GINS2: variants seen among roughly 807,000 people sequenced by gnomAD.
The protein encoded by GINS2 is GINS complex subunit 2, also known as DNA replication complex GINS protein PSF2.
In GINS2, 23 loss-of-function variants were observed where a neutral mutation model predicts 21.2. The ratio of observed to expected loss-of-function variants is 1.08; its 90% confidence interval spans 0.78 to 1.53. GINS2 has a LOEUF of 1.53. Ranked by LOEUF, GINS2 falls within the 40% of genes most tolerant of loss-of-function variation. The pLI is 0.00. For missense variants in GINS2, 323 were observed against 233.9 expected, an observed-to-expected ratio of 1.38 and a Z score of -2.49; for synonymous variants, 118 against 85.6, an observed-to-expected ratio of 1.38 and a Z score of -2.09.
In GINS2 at chr16:85,687,460, C is replaced by T. The variant is rs1440651935; in HGVS notation, c.205G>A (p.Glu69Lys). The change falls in exon 2 of 5, where the codon GAA becomes AAA. Residue 69 changes from glutamate to lysine, a missense_variant and splice_region_variant. Transcript: ENST00000253462. ...CAACCAGTCTCCACCACATCCTTAC[C>T]TACATCCATCCACTCTGGAGGGAGC... is the stretch of plus-strand genomic sequence containing the variant. ...RLLPPEWMDV[E>K]KLEKMRDHER... 6.5e-7 allele frequency: 1 copy of T among 1,527,168 alleles called. No individual in the cohort carries two copies. The highest frequency in any genetic ancestry group is 1.4e-5 in the African/African-American group (1 of 71,406). The allele number at this position is 1,527,168 out of a possible 1,614,324, so 94.6% of individuals were successfully genotyped here.
In GINS2 at chr16:85,681,661, C is replaced by G. The variant is rs1415136634; in HGVS notation, c.226G>C (p.Asp76His). The G allele has an allele frequency of 1.9e-6, 3 of 1,606,530 alleles. No individual in the cohort carries two copies. In the Admixed American group the frequency reaches 5.0e-5, roughly 27 times the overall value. The change falls in exon 3 of 5, where the codon GAT (aspartate) becomes CAT (histidine). Residue 76 changes from aspartate (D) to histidine (H), a missense_variant. Transcript: ENST00000253462. ...AAAGTTTCTTCCTTTCGTTCATGAT[C>G]CCTCATCTTCTCCAACTTTTCTGAA... Reference protein sequence around the residue: ...MDVEKLEKMRDHERKEETFTP... With the variant: ...MDVEKLEKMRHHERKEETFTP...
rs1477853396 is a variant in GINS2, at chr16:85,687,492, C to T, written c.173G>A (p.Cys58Tyr). 1 of 1,592,822 alleles carries T rather than the reference C, an allele frequency of 6.3e-7. No homozygotes were observed. Among genetic ancestry groups the T allele is most frequent in the Non-Finnish European group, 8.5e-7 (1 of 1,171,522 alleles). The change falls in exon 2 of 5, where the codon TGT (cysteine) becomes TAT (tyrosine). Residue 58 changes from cysteine to tyrosine, a missense_variant. Transcript: ENST00000253462. ...CATCCACTCTGGAGGGAGCAGGCGA[C>T]ATTTCTGTCTTTGTTTCAGGTTAAT... is the stretch of plus-strand genomic sequence containing the variant. The part of the protein sequence containing the change: ...LAINLKQRQK[C>Y]RLLPPEWMDV...
At chr16:85,687,786 T>C (rs1434959562) in intron 1 of GINS2, 2 of 440,632 alleles carry the variant, frequency 4.5e-6, no homozygotes, top group Non-Finnish European at 8.1e-6. Context: ...TTCTGGCCTT[T>C]CCGCGGACAG....
chr16:85,681,374 C>T (rs114639099), intron 3 of GINS2, among the ~76,000 whole-genome samples: 2,965 of 152,290 alleles, frequency 0.019, 100 homozygotes, highest in African/African-American at 0.066. Context: ...AAAGAACAGA[C>T]AGAAAGACAC....
At chr16:85,688,748 C>A (rs1277552850) in intron 1 of GINS2, 61 bp downstream of exon 1, 9 of 1,060,460 alleles carry the variant, frequency 8.5e-6, no homozygotes, top group South Asian at 1.6e-5. Context: ...CTGAAGGCCA[C>A]GCGGGAGCCC....
At chr16:85,682,882 G>T (rs917805406) in intron 2 of GINS2, among the ~76,000 whole-genome samples, 1 of 152,078 alleles carries the variant, frequency 6.6e-6, no homozygotes, top group Non-Finnish European at 1.5e-5. Context: ...CCTTGGTGCC[G>T]TCCTGCAATC....
At chr16:85,687,350 G>A in intron 2 of GINS2, 110 bp downstream of exon 2, 3 of 592,268 alleles carry the variant, frequency 5.1e-6, no homozygotes, top group Non-Finnish European at 9.1e-6. Context: ...GGAACAGAGG[G>A]AGCACGGACC....
intron 2 of GINS2, among the ~76,000 whole-genome samples, chr16:85,685,961 A>G (rs905609817): frequency 3.9e-5 from 6 of 152,060 alleles, no homozygotes; most frequent in Non-Finnish European, 5.9e-5. Context: ...TTCAAATTCT[A>G]TATGTATGAC....
At chr16:85,685,990 A>AAC (rs1266554855) in intron 2 of GINS2, among the ~76,000 whole-genome samples, 2 of 148,366 alleles carry the variant, frequency 1.3e-5, no homozygotes, top group African/African-American at 2.5e-5. Flanking sequence ...TCTCCTCACC[A>AAC]ACACACACAA....
In GINS2 at chr16:85,683,503, A is replaced by G. The variant is rs193075585; in HGVS notation, c.206-1822T>C. 9.0e-4 allele frequency among the ~76,000 whole-genome samples: 137 copies of G among 152,314 alleles called. 1 individual carries two copies. Among genetic ancestry groups the G allele is most frequent in the African/African-American group, 2.9e-3 (120 of 41,572 alleles). ...CAACTCCTGATACCCACTGCAGCCC[A>G]CAGCCTGCTCCTGCAGCCTCCCACC... is the stretch of plus-strand genomic sequence containing the variant. On this transcript the variant is annotated intron_variant, in intron 2 of 4. Coordinates refer to ENST00000253462, the MANE Select transcript of GINS2 (RefSeq NM_016095.3).
intron 2 of GINS2, among the ~76,000 whole-genome samples, chr16:85,683,240 G>A (rs1019639412): frequency 9.2e-5 from 14 of 151,862 alleles, no homozygotes; most frequent in African/African-American, 2.7e-4. Flanking sequence ...TCCCCTTTTT[G>A]TCTCCTGGCA....
intron 3 of GINS2, among the ~76,000 whole-genome samples, chr16:85,679,679 A>C (rs1469992844): frequency 6.6e-6 from 1 of 152,214 alleles, no homozygotes; most frequent in Non-Finnish European, 1.5e-5. Context: ...TTTTGATAAA[A>C]ACTACATCCA....
At chr16:85,685,511 A>C (rs1253516725) in intron 2 of GINS2, among the ~76,000 whole-genome samples, 2 of 151,660 alleles carry the variant, frequency 1.3e-5, no homozygotes, top group Non-Finnish European at 2.9e-5. Context: ...TAAAAAAAAA[A>C]AATCAAAAAA....
At position 85,687,657 on chromosome 16, in the gene GINS2, G is replaced by A. The variant is rs559339790; in HGVS notation, c.91-83C>T. 55 of 728,424 alleles carry A rather than the reference G, an allele frequency of 7.6e-5. No individual in the cohort carries two copies. In the East Asian group the frequency reaches 1.2e-3, roughly 16 times the overall value. 45.1% of individuals were successfully genotyped at this position (728,424 alleles called of 1,614,324 possible). On this transcript the variant is annotated intron_variant, in intron 1 of 4. Transcript: ENST00000253462. ...GTGCGTTACTGCTATCAAATAAGAGGCAAGGCATTGCAGAGGCTGAAGTCC... is the reference window on the plus strand; with the variant it reads ...GTGCGTTACTGCTATCAAATAAGAGACAAGGCATTGCAGAGGCTGAAGTCC...
At chr16:85,683,296 A>G (rs2053749528) in intron 2 of GINS2, among the ~76,000 whole-genome samples, 1 of 151,742 alleles carries the variant, frequency 6.6e-6, no homozygotes, top group Non-Finnish European at 1.5e-5. Context: ...TCAGCTCCCA[A>G]CCCCTTTCTT....
chr16:85,684,132 C>T lies in GINS2; in HGVS notation c.206-2451G>A, dbSNP rs573928454. 9.9e-5 allele frequency among the ~76,000 whole-genome samples: 15 copies of T among 152,216 alleles called. No individual in the cohort carries two copies. The South Asian group carries it at 2.9e-3, about 30-fold the overall frequency. On this transcript the variant is annotated intron_variant, in intron 2 of 4. Coordinates refer to ENST00000253462, the MANE Select transcript of GINS2 (RefSeq NM_016095.3). ...ACTTTGGGAGACCGAGGTGGAAGCC[C>T]CGGAGTTCAAAACCAGTCTGAGCAA...
At chr16:85,681,461 G>T in intron 3 of GINS2, 121 bp downstream of exon 3, 3 of 638,098 alleles carry the variant, frequency 4.7e-6, no homozygotes, top group Non-Finnish European at 5.6e-6. Flanking sequence ...GAAACAGGGC[G>T]GCCAGTGTTG....
At chr16:85,678,900 A>G (rs1242051713) in intron 3 of GINS2, among the ~76,000 whole-genome samples, 1 of 152,258 alleles carries the variant, frequency 6.6e-6, no homozygotes, top group Non-Finnish European at 1.5e-5. Flanking sequence ...GCTGCTGAAC[A>G]GGACTGCTGT....
chr16:85,680,840 G>C (rs2053726202), intron 3 of GINS2, among the ~76,000 whole-genome samples: 3 of 152,212 alleles, frequency 2.0e-5, no homozygotes, highest in African/African-American at 7.2e-5. Flanking sequence ...TCCAGAAGCA[G>C]AGAAAAGAGC....
Sources: gnomAD v4.1 joint callset for allele counts (sites outside exome capture counted in the v4.1 genomes callset) on GRCh38, gnomAD v4.1.1 for gene constraint, MANE v1.5 for transcripts, NCBI Gene and HGNC (gene_info 2026-07-23, HGNC 2026-07-21) for gene names.